The following CACHD1 variants were observed in gnomAD, a reference collection of about 807,000 sequenced individuals.
CACHD1 encodes the protein VWFA and cache domain-containing protein 1.
Under a neutral mutation model 138.7 loss-of-function variants are expected in CACHD1, and 71 were observed. That is an observed-to-expected ratio of 0.51 (90% CI 0.42 to 0.62). The LOEUF (loss-of-function observed/expected upper bound fraction) is 0.62, where lower values mean the gene tolerates loss of function less well. Ranked by LOEUF, CACHD1 falls within the 20% of genes least tolerant of loss-of-function variation. The pLI is 0.00. For synonymous variants in CACHD1, 578 were observed against 591.5 expected (o/e 0.98, Z 0.33); for missense variants, 1,389 against 1,625.3 (o/e 0.85, Z 2.50).
chr1:64,654,817 A>G lies in CACHD1; in HGVS notation c.1782+14A>G, dbSNP rs1430455277. ...GCCTGGAAGATGGTGAGTGAGAGGA[A>G]GTTGTGTTTGCTTGAAGAGCTACAG... On this transcript the variant is annotated intron_variant, in intron 12 of 26. Transcript: ENST00000651257. 1 of 1,579,600 alleles carries G rather than the reference A, an allele frequency of 6.3e-7. No homozygotes were observed. Among genetic ancestry groups the G allele is most frequent in the East Asian group, 2.2e-5 (1 of 44,704 alleles).
chr1:64,502,337 A>G (rs1451345882), intron 1 of CACHD1, among the ~76,000 whole-genome samples: 1 of 152,208 alleles, frequency 6.6e-6, no homozygotes, highest in African/African-American at 2.4e-5. Context: ...AGAGCTGAAC[A>G]TATTAAACAC....
chr1:64,646,622 C>T (rs1370085132), intron 8 of CACHD1, among the ~76,000 whole-genome samples: 1 of 151,944 alleles, frequency 6.6e-6, no homozygotes, highest in Non-Finnish European at 1.5e-5. Flanking sequence ...ATCCCAGCTA[C>T]CCGGGAGACT....
intron 1 of CACHD1, among the ~76,000 whole-genome samples, chr1:64,473,698 A>G (rs1012268429): frequency 6.6e-6 from 1 of 152,216 alleles, no homozygotes; most frequent in African/African-American, 2.4e-5. Context: ...ACACCATCTC[A>G]CTTTATGAGA....
intron 1 of CACHD1, among the ~76,000 whole-genome samples, chr1:64,503,487 T>G (rs1646351313): frequency 6.6e-6 from 1 of 152,236 alleles, no homozygotes; most frequent in Non-Finnish European, 1.5e-5. Context: ...CAAAGTATGA[T>G]TTCATATTTT....
chr1:64,663,858 C>G, intron 14 of CACHD1, 21 bp downstream of exon 14: 1 of 1,613,906 alleles, frequency 6.2e-7, no homozygotes, highest in Non-Finnish European at 8.5e-7. Context: ...GCGCAGAGCT[C>G]CATTTCTGGT....
chr1:64,577,918 A>C (rs1159263182), intron 2 of CACHD1, among the ~76,000 whole-genome samples: 1 of 152,146 alleles, frequency 6.6e-6, no homozygotes, highest in Non-Finnish European at 1.5e-5. Context: ...CCAGGAAGGC[A>C]AAGGCAGACA....
chr1:64,590,035 CA>C (rs556707749), intron 3 of CACHD1, among the ~76,000 whole-genome samples: 2 of 152,220 alleles, frequency 1.3e-5, no homozygotes, highest in African/African-American at 4.8e-5. Context: ...CAGCCGGGCG[CA>C]GTGGCTCACG....
intron 1 of CACHD1, among the ~76,000 whole-genome samples, chr1:64,491,138 C>A (rs2100297387): frequency 6.6e-6 from 1 of 152,214 alleles, no homozygotes; most frequent in South Asian, 2.1e-4. Context: ...GGGTTGCTCT[C>A]AAATGGTCCA....
intron 2 of CACHD1, among the ~76,000 whole-genome samples, chr1:64,554,132 A>C (rs1047525856): frequency 6.6e-6 from 1 of 152,228 alleles, no homozygotes; most frequent in East Asian, 1.9e-4. Context: ...CCTGAGCTCA[A>C]GCAATCCTCC....
At chr1:64,580,841 G>T (rs1647006851) in intron 2 of CACHD1, among the ~76,000 whole-genome samples, 2 of 152,166 alleles carry the variant, frequency 1.3e-5, no homozygotes, top group Admixed American at 1.3e-4. Context: ...GTCCCCTGAG[G>T]GTGGCAAAAC....
chr1:64,620,077 T>C (rs1268733906), intron 4 of CACHD1, among the ~76,000 whole-genome samples: 3 of 152,108 alleles, frequency 2.0e-5, no homozygotes, highest in African/African-American at 4.8e-5. Flanking sequence ...CCTGGGAATT[T>C]TTCGTTGGTA....
chr1:64,568,337 G>C (rs1271557931), intron 2 of CACHD1, among the ~76,000 whole-genome samples: 1 of 152,088 alleles, frequency 6.6e-6, no homozygotes, highest in Non-Finnish European at 1.5e-5. Context: ...GGCATTCTTA[G>C]TGTAGAACTG....
intron 1 of CACHD1, among the ~76,000 whole-genome samples, chr1:64,538,573 C>A (rs974948139): frequency 2.6e-5 from 4 of 152,070 alleles, no homozygotes; most frequent in Non-Finnish European, 5.9e-5. Context: ...GAAACTAAGC[C>A]TAGGGAGGAG....
chr1:64,490,308 G>A (rs772596485), intron 1 of CACHD1, among the ~76,000 whole-genome samples: 2 of 152,132 alleles, frequency 1.3e-5, no homozygotes, highest in African/African-American at 4.8e-5. Context: ...AAGATGGAGG[G>A]CTGTTTGATC....
intron 1 of CACHD1, among the ~76,000 whole-genome samples, chr1:64,525,003 G>T (rs781140998): frequency 3.3e-5 from 5 of 152,160 alleles, no homozygotes; most frequent in Non-Finnish European, 5.9e-5. Flanking sequence ...TTTGAACTTG[G>T]TGTGTTTGAA....
chr1:64,509,112 TTC>T (rs1570315673), intron 1 of CACHD1, among the ~76,000 whole-genome samples: 1 of 152,346 alleles, frequency 6.6e-6, no homozygotes, highest in East Asian at 1.9e-4. Context: ...CTCTCTTTTT[TTC>T]TCTGTTAGCT....
In CACHD1 at chr1:64,671,461, G is replaced by A. The variant is rs575526937; in HGVS notation, c.2388-103G>A. The A allele has an allele frequency of 1.2e-3, 1,425 of 1,204,728 alleles. 1 individual carries two copies. The highest frequency in any genetic ancestry group is 1.6e-3 in the Non-Finnish European group (1,310 of 822,584). The allele number at this position is 1,204,728 out of a possible 1,614,324, so 74.6% of individuals were successfully genotyped here. ...GGTGGGAAAAGTAGGGAGGAACAGTGGGAAGGTATTTCTAATACCAAACAA... is the reference window on the plus strand; with the variant it reads ...GGTGGGAAAAGTAGGGAGGAACAGTAGGAAGGTATTTCTAATACCAAACAA... On this transcript the variant is annotated intron_variant, in intron 16 of 26. Coordinates refer to ENST00000651257, the MANE Select transcript of CACHD1 (RefSeq NM_020925.4).
chr1:64,487,962 G>A (rs1383734196), intron 1 of CACHD1, among the ~76,000 whole-genome samples: 3 of 152,160 alleles, frequency 2.0e-5, no homozygotes, highest in African/African-American at 7.2e-5. Flanking sequence ...GGGTTTTTAA[G>A]TAGCTGGTGG....
At chr1:64,621,590 G>A (rs551206328) in intron 4 of CACHD1, among the ~76,000 whole-genome samples, 1 of 152,310 alleles carries the variant, frequency 6.6e-6, no homozygotes, top group South Asian at 2.1e-4. Context: ...GATAAGAATC[G>A]AGAGTGGTCA....
Sources: gnomAD v4.1 joint callset for allele counts (sites outside exome capture counted in the v4.1 genomes callset) on GRCh38, gnomAD v4.1.1 for gene constraint, MANE v1.5 for transcripts, NCBI Gene and HGNC (gene_info 2026-07-23, HGNC 2026-07-21) for gene names.